The following LRRTM3 variants were observed in gnomAD, a reference collection of about 807,000 sequenced individuals.
LRRTM3 encodes leucine-rich repeat transmembrane neuronal protein 3.
Under a neutral mutation model 44.7 loss-of-function variants are expected in LRRTM3, and 24 were observed. That is an observed-to-expected ratio of 0.54 (90% CI 0.39 to 0.76). The LOEUF (loss-of-function observed/expected upper bound fraction) is 0.76, where lower values mean the gene tolerates loss of function less well. Ranked by LOEUF, LRRTM3 falls within the 30% of genes least tolerant of loss-of-function variation. LRRTM3 has a pLI of 0.00. For missense variants in LRRTM3, 587 were observed against 702.2 expected (o/e 0.84, Z 1.85); for synonymous variants, 277 against 278.7 (o/e 0.99, Z 0.06).
chr10:67,094,778 A>T (rs1340038436), intron 2 of LRRTM3, among the ~76,000 whole-genome samples: 2 of 151,714 alleles, frequency 1.3e-5, no homozygotes, highest in Non-Finnish European at 2.9e-5. Context: ...TTCATAATTC[A>T]ACAAAGACTT....
chr10:67,072,893 T>TTAGAAGCTTTTAGCCTAGCCTTG (rs71006119), intron 2 of LRRTM3, among the ~76,000 whole-genome samples: 2 of 152,182 alleles, frequency 1.3e-5, no homozygotes, highest in African/African-American at 4.8e-5. Context: ...GCTCTGCCTT[T>TTAGAAGCTTTTAGCCTAGCCTTG]GGCTTCCTAT....
chr10:67,087,746 C>T (rs1387364429), intron 2 of LRRTM3, among the ~76,000 whole-genome samples: 5 of 151,932 alleles, frequency 3.3e-5, no homozygotes, highest in Non-Finnish European at 7.4e-5. Context: ...AATAGATTAT[C>T]TCAGTCATAT....
At chr10:67,016,646 A>G (rs1034759386) in intron 2 of LRRTM3, among the ~76,000 whole-genome samples, 2 of 152,188 alleles carry the variant, frequency 1.3e-5, no homozygotes, top group African/African-American at 4.8e-5. Flanking sequence ...AAACTACCAA[A>G]TATTTTTGGG....
intron 2 of LRRTM3, among the ~76,000 whole-genome samples, chr10:67,061,347 G>C (rs1241976594): frequency 6.6e-6 from 1 of 152,148 alleles, no homozygotes; most frequent in Non-Finnish European, 1.5e-5. Flanking sequence ...CATGATGACA[G>C]CACTATTTAC....
chr10:67,059,814 A>G (rs912292336), intron 2 of LRRTM3, among the ~76,000 whole-genome samples: 2 of 152,164 alleles, frequency 1.3e-5, no homozygotes, highest in Admixed American at 1.3e-4. Context: ...TATTTATACT[A>G]ATGTATATTT....
intron 2 of LRRTM3, among the ~76,000 whole-genome samples, chr10:66,944,697 C>T (rs1848192993): frequency 6.6e-6 from 1 of 152,128 alleles, no homozygotes; most frequent in African/African-American, 2.4e-5. Flanking sequence ...TCATCCAAGA[C>T]AGCAAGAGAC....
intron 2 of LRRTM3, among the ~76,000 whole-genome samples, chr10:67,083,565 AC>A (rs1296042701): frequency 2.0e-5 from 3 of 152,178 alleles, no homozygotes; most frequent in African/African-American, 7.2e-5. Context: ...TAGAATTTGT[AC>A]ATTTTAATTT....
intron 2 of LRRTM3, among the ~76,000 whole-genome samples, chr10:66,967,650 C>T (rs1411441305): frequency 6.6e-6 from 1 of 151,930 alleles, no homozygotes; most frequent in Non-Finnish European, 1.5e-5. Flanking sequence ...TAAAAACTGA[C>T]ACATTTTCTA....
chr10:67,058,927 G>C (rs1425191276), intron 2 of LRRTM3, among the ~76,000 whole-genome samples: 1 of 152,132 alleles, frequency 6.6e-6, no homozygotes, highest in African/African-American at 2.4e-5. Flanking sequence ...CAAGGACATT[G>C]TAAGCCATAA....
At chr10:67,064,000 A>G (rs1855916138) in intron 2 of LRRTM3, among the ~76,000 whole-genome samples, 1 of 152,164 alleles carries the variant, frequency 6.6e-6, no homozygotes, top group African/African-American at 2.4e-5. Context: ...GGAATTTTAG[A>G]GTCATCTCCC....
chr10:66,957,331 G>A (rs1848842271), intron 2 of LRRTM3, among the ~76,000 whole-genome samples: 1 of 149,952 alleles, frequency 6.7e-6, no homozygotes, highest in African/African-American at 2.5e-5. Context: ...CAGTAGAAAT[G>A]AGAGACAAGT....
chr10:67,015,905 T>C (rs1031903593), intron 2 of LRRTM3, among the ~76,000 whole-genome samples: 1 of 152,070 alleles, frequency 6.6e-6, no homozygotes, highest in Non-Finnish European at 1.5e-5. Flanking sequence ...GACTTTGTTT[T>C]CAATCAAGTT....
intron 2 of LRRTM3, among the ~76,000 whole-genome samples, chr10:66,999,333 T>C (rs866312192): frequency 1.3e-5 from 2 of 152,152 alleles, no homozygotes; most frequent in Non-Finnish European, 2.9e-5. Flanking sequence ...GAAATTATCA[T>C]GGGCCTTCTG....
intron 2 of LRRTM3, among the ~76,000 whole-genome samples, chr10:66,947,776 A>G (rs1422647036): frequency 1.3e-5 from 2 of 152,274 alleles, no homozygotes; most frequent in South Asian, 4.1e-4. Flanking sequence ...TAAAGAAAAA[A>G]TTTTAATCAC....
chr10:67,082,912 C>T (rs535839915), intron 2 of LRRTM3, among the ~76,000 whole-genome samples: 1 of 152,202 alleles, frequency 6.6e-6, no homozygotes, highest in South Asian at 2.1e-4. Flanking sequence ...CACCCACCTC[C>T]TATATTAACT....
chr10:66,994,223 A>C (rs758318643), intron 2 of LRRTM3, among the ~76,000 whole-genome samples: 1 of 152,212 alleles, frequency 6.6e-6, no homozygotes, highest in Non-Finnish European at 1.5e-5. Flanking sequence ...CAGTGGTTAA[A>C]AGGAAAAGAT....
At chr10:67,032,784 G>C (rs1013278715) in intron 2 of LRRTM3, among the ~76,000 whole-genome samples, 1 of 152,068 alleles carries the variant, frequency 6.6e-6, no homozygotes, top group African/African-American at 2.4e-5. Context: ...CTTTTTTTAT[G>C]TGTTCTCAGT....
intron 2 of LRRTM3, among the ~76,000 whole-genome samples, chr10:66,937,898 TC>T (rs988152037): frequency 6.6e-6 from 1 of 151,846 alleles, no homozygotes; most frequent in African/African-American, 2.4e-5. Context: ...CTGTTTTTTT[TC>T]CCCCTCTCCC....
Position 66,930,241 on chromosome 10 carries a change from C to T in LRRTM3, c.1536+1789C>T, listed in dbSNP as rs186919178. ...TATTGATTAAATCTTACAATAGATGCCACTTCAGAAAAACATCTTAGTTAC... is the reference window on the plus strand; with the variant it reads ...TATTGATTAAATCTTACAATAGATGTCACTTCAGAAAAACATCTTAGTTAC... On this transcript the variant is annotated intron_variant, in intron 2 of 2. Coordinates refer to ENST00000361320, the MANE Select transcript of LRRTM3 (RefSeq NM_178011.5). Among the ~76,000 whole-genome samples, 24 of 152,144 alleles carry T rather than the reference C, an allele frequency of 1.6e-4. No individual in the cohort carries two copies. In the East Asian group the frequency reaches 4.4e-3, roughly 28 times the overall value.
Sources: gnomAD v4.1 joint callset for allele counts (sites outside exome capture counted in the v4.1 genomes callset) on GRCh38, gnomAD v4.1.1 for gene constraint, MANE v1.5 for transcripts, NCBI Gene and HGNC (gene_info 2026-07-23, HGNC 2026-07-21) for gene names.